Variants in CADPS2 observed in about 807,000 individuals in gnomAD.
CADPS2 encodes the protein calcium dependent secretion activator 2, also known as calcium-dependent secretion activator 2.
A neutral mutation model predicts 172.5 loss-of-function variants in CADPS2; 93 were observed. The ratio of observed to expected loss-of-function variants is 0.54; its 90% CI spans 0.46 to 0.64. The LOEUF (loss-of-function observed/expected upper bound fraction) is 0.64, where lower values mean the gene tolerates loss of function less well. Ranked by LOEUF, CADPS2 falls within the 30% of genes least tolerant of loss-of-function variation. The pLI is 0.00. For missense variants in CADPS2, 1,420 were observed against 1,565.9 expected (o/e 0.91, Z 1.57); for synonymous variants, 546 against 555.2 (o/e 0.98, Z 0.23).
intron 7 of CADPS2, among the ~76,000 whole-genome samples, chr7:122,569,309 G>A (rs574083735): frequency 1.3e-5 from 2 of 152,028 alleles, no homozygotes; most frequent in South Asian, 4.2e-4. Flanking sequence ...AAATACTTAG[G>A]AATCCAGCTT....
At chr7:122,751,778 T>A (rs911436315) in intron 1 of CADPS2, among the ~76,000 whole-genome samples, 2 of 152,088 alleles carry the variant, frequency 1.3e-5, no homozygotes, top group African/African-American at 2.4e-5. Flanking sequence ...CTAAACATAT[T>A]AACAAGGCTG....
chr7:122,477,017 G>C (rs1359221966), intron 12 of CADPS2, among the ~76,000 whole-genome samples: 14 of 112,924 alleles, frequency 1.2e-4, no homozygotes, highest in Admixed American at 2.7e-4. Context: ...GGAGAGGAGA[G>C]GAGAGGAGAG....
In CADPS2 at chr7:122,610,950, A is replaced by AATCTTCTTC. The variant is rs772415922; in HGVS notation, c.1223+4222_1223+4230dup. ...GGGGCTTGTATTCCCTGCAGCTAAG[A>AATCTTCTTC]ATCTTCTTCCATTGACTCTATTTAC... On this transcript the variant is annotated intron_variant, in intron 6 of 29. Transcript: ENST00000449022. Among the ~76,000 whole-genome samples, 20 of 152,262 alleles carry AATCTTCTTC rather than the reference A, an allele frequency of 1.3e-4. No homozygotes were observed. The East Asian group carries it at 3.7e-3, about 28-fold the overall frequency.
intron 3 of CADPS2, among the ~76,000 whole-genome samples, chr7:122,660,979 CT>C (rs1235066733): frequency 6.6e-6 from 1 of 152,012 alleles, no homozygotes; most frequent in East Asian, 1.9e-4. Flanking sequence ...AAAATAAAGA[CT>C]TATGTTAAAA....
At chr7:122,705,755 A>T (rs1455859161) in intron 2 of CADPS2, among the ~76,000 whole-genome samples, 2 of 10,442 alleles carry the variant, frequency 1.9e-4, no homozygotes, top group African/African-American at 2.9e-4. Context: ...AATATATATA[A>T]TATATAATAT....
At chr7:122,582,893 AT>A (rs1298439513) in intron 6 of CADPS2, among the ~76,000 whole-genome samples, 3 of 152,090 alleles carry the variant, frequency 2.0e-5, no homozygotes, top group Admixed American at 6.6e-5. Flanking sequence ...TATTACACTG[AT>A]TTTTTTCCTC....
chr7:122,343,586 T>C (rs996357960), intron 28 of CADPS2, among the ~76,000 whole-genome samples: 2 of 152,204 alleles, frequency 1.3e-5, no homozygotes, highest in Non-Finnish European at 2.9e-5. Flanking sequence ...TGGATTGCAG[T>C]AAATAGGTCA....
At position 122,886,193 on chromosome 7, in the gene CADPS2, C is replaced by T. The variant is rs528898596; in HGVS notation, c.145G>A (p.Gly49Ser). ...EGRRDAPGRAGGGGAARSVSP... is the reference protein window; with the variant it reads ...EGRRDAPGRASGGGAARSVSP... Reference sequence around the variant, plus strand: ...ACAGATCTGGCCGCGCCGCCGCCGCCCGCGCGCCCCGGCGCGTCCCGCCGC... The same window carrying T: ...ACAGATCTGGCCGCGCCGCCGCCGCTCGCGCGCCCCGGCGCGTCCCGCCGC... Residue 49 changes from glycine to serine, a missense_variant, in exon 1 of 30, where the codon GGC becomes AGC. Coordinates refer to ENST00000449022, the MANE Select transcript of CADPS2 (RefSeq NM_017954.11). 24 of 1,469,516 alleles carry T rather than the reference C, an allele frequency of 1.6e-5. No homozygotes were observed. In the East Asian group the frequency reaches 6.4e-4, roughly 39 times the overall value. 91.0% of individuals were successfully genotyped at this position (1,469,516 alleles called of 1,614,324 possible). A position where few individuals can be genotyped will look rare whatever the true frequency, so the allele number is the denominator to read the frequency against.
chr7:122,774,419 CA>C (rs2093811673), intron 1 of CADPS2, among the ~76,000 whole-genome samples: 1 of 151,982 alleles, frequency 6.6e-6, no homozygotes, highest in African/African-American at 2.4e-5. Context: ...AACGTGTTAA[CA>C]CAGGCTTATA....
At chr7:122,333,862 T>C (rs936203381) in intron 28 of CADPS2, among the ~76,000 whole-genome samples, 1 of 150,840 alleles carries the variant, frequency 6.6e-6, no homozygotes, top group African/African-American at 2.4e-5. Context: ...AAAGACTGCA[T>C]GCATTTAAAT....
Position 122,399,966 on chromosome 7 carries a change from G to A in CADPS2, c.2747-6384C>T, listed in dbSNP as rs956121549. Among the ~76,000 whole-genome samples, 138 of 148,332 alleles carry A rather than the reference G, an allele frequency of 9.3e-4. 1 individual carries two copies. Among genetic ancestry groups the A allele is most frequent in the Non-Finnish European group, 1.8e-3 (118 of 66,906 alleles). ...TGGGATTACAGGCGTGAGCCACCGC[G>A]CCCGGCCAAGGGTGGGTTTCTTGAT... On this transcript the variant is annotated intron_variant, in intron 20 of 29. Coordinates refer to ENST00000449022, the MANE Select transcript of CADPS2 (RefSeq NM_017954.11).
chr7:122,726,579 T>C (rs1235086457), intron 2 of CADPS2, among the ~76,000 whole-genome samples: 1 of 151,954 alleles, frequency 6.6e-6, no homozygotes, highest in South Asian at 2.1e-4. Context: ...AAAAGAACTA[T>C]TGAGTAAATC....
At chr7:122,702,746 C>T in intron 2 of CADPS2, 1 of 1,594,496 alleles carries the variant, frequency 6.3e-7, no homozygotes, top group Non-Finnish European at 8.5e-7. Flanking sequence ...TCTAAGGAAG[C>T]TCATGCCTCC....
Position 122,416,160 on chromosome 7 carries a change from G to A in CADPS2, c.2481C>T (p.Thr827=). 6.5e-7 allele frequency: 1 copy of A among 1,529,328 alleles called. No individual in the cohort carries two copies. The highest frequency in any genetic ancestry group is 8.9e-7 in the Non-Finnish European group (1 of 1,129,306). The allele number at this position is 1,529,328 out of a possible 1,614,324, so 94.7% of individuals were successfully genotyped here. A position where few individuals can be genotyped will look rare whatever the true frequency, so the allele number is the denominator to read the frequency against. Residue 827 remains threonine (T), a synonymous_variant, in exon 18 of 30, where the codon ACC becomes ACT. Coordinates refer to ENST00000449022, the MANE Select transcript of CADPS2 (RefSeq NM_017954.11). ...TTCTAGCAGGAGATGCCTGGTTCAT[G>A]GTCTCTATATGAAAAAAAATCATAA... ...RLTEYAKIEE[T]MNQASPARKL...
chr7:122,417,641 T>G (rs550237616), intron 17 of CADPS2, among the ~76,000 whole-genome samples: 2 of 152,114 alleles, frequency 1.3e-5, no homozygotes, highest in Non-Finnish European at 2.9e-5. Context: ...ACAACCTACT[T>G]AATTTGGGGG....
chr7:122,318,528 G>C lies in CADPS2; in HGVS notation c.*1637C>G, dbSNP rs2031768962. 1.3e-5 allele frequency: 2 copies of C among 152,308 alleles called. No individual in the cohort carries two copies. Among genetic ancestry groups the C allele is most frequent in the African/African-American group, 4.8e-5 (2 of 41,448 alleles). 9.4% of individuals were successfully genotyped at this position (152,308 alleles called of 1,614,324 possible). A position where few individuals can be genotyped will look rare whatever the true frequency, so the allele number is the denominator to read the frequency against. On this transcript the variant is annotated 3_prime_UTR_variant, in exon 30 of 30. Transcript: ENST00000449022. ...CAGCAAGCTTGGGGATGGTGCCATT[G>C]GAGAGTTTGGGATAGCATGACTGGA...
chr7:122,815,594 A>AG (rs1297546489), intron 1 of CADPS2, among the ~76,000 whole-genome samples: 1 of 151,560 alleles, frequency 6.6e-6, no homozygotes, highest in Admixed American at 6.6e-5. Context: ...AGGAAAAAAA[A>AG]AATCCATGGG....
At chr7:122,597,681 T>G (rs2072058892) in intron 6 of CADPS2, among the ~76,000 whole-genome samples, 2 of 152,152 alleles carry the variant, frequency 1.3e-5, no homozygotes, top group African/African-American at 4.8e-5. Context: ...GTACGTATTT[T>G]AAAATCAAAT....
At chr7:122,828,342 G>A (rs1010670865) in intron 1 of CADPS2, among the ~76,000 whole-genome samples, 3 of 151,430 alleles carry the variant, frequency 2.0e-5, no homozygotes, top group Admixed American at 6.6e-5. Context: ...AACATATAAT[G>A]GGTTCCTTTT....
Sources: gnomAD v4.1 joint callset for allele counts (sites outside exome capture counted in the v4.1 genomes callset) on GRCh38, gnomAD v4.1.1 for gene constraint, MANE v1.5 for transcripts, NCBI Gene and HGNC (gene_info 2026-07-23, HGNC 2026-07-21) for gene names.